The following CEP112 variants were observed in gnomAD, a reference collection of about 807,000 sequenced individuals.
The protein encoded by CEP112 is centrosomal protein of 112 kDa.
A neutral mutation model predicts 153.0 loss-of-function variants in CEP112; 127 were observed. The ratio of observed to expected loss-of-function variants is 0.83; its 90% confidence interval spans 0.72 to 0.96. CEP112 has a LOEUF of 0.96. Ranked by LOEUF, CEP112 falls within the 40% of genes least tolerant of loss-of-function variation. The probability of loss-of-function intolerance (pLI) is 0.00; values close to 1 mark genes in which losing one functional copy is unlikely to be tolerated. For synonymous variants in CEP112, 358 were observed against 374.4 expected (o/e 0.96, Z 0.51); for missense variants, 1,089 against 1,101.2 (o/e 0.99, Z 0.16).
intron 6 of CEP112, among the ~76,000 whole-genome samples, chr17:66,126,975 C>T (rs912085437): frequency 1.3e-5 from 2 of 152,118 alleles, no homozygotes; most frequent in Non-Finnish European, 2.9e-5. Flanking sequence ...AAAATCTAAG[C>T]TTTCTAATAA....
At chr17:66,005,793 A>G in intron 16 of CEP112, 24 bp from the exon 17 acceptor site, 1 of 1,587,102 alleles carries the variant, frequency 6.3e-7, no homozygotes, top group Non-Finnish European at 8.5e-7. Flanking sequence ...AACATGGAAA[A>G]TTTATTGGAA....
chr17:65,892,393 T>G (rs2059497729), intron 20 of CEP112, among the ~76,000 whole-genome samples: 1 of 152,178 alleles, frequency 6.6e-6, no homozygotes, highest in Non-Finnish European at 1.5e-5. Flanking sequence ...TTTGAAACAA[T>G]GAGATCTCAA....
rs572473564 is a variant in CEP112 at position 65,721,404 on chromosome 17, A to T, written c.2607+21664T>A. On this transcript the variant is annotated intron_variant, in intron 23 of 26. Coordinates refer to ENST00000535342, the MANE Select transcript of CEP112 (RefSeq NM_001199165.4). The stretch of plus-strand genomic sequence containing the variant: ...AAAAATGCAACAGTGGTAGCATTTA[A>T]AAAGACTGGGCTCCAGGTAATACTT... Among the ~76,000 whole-genome samples, 3 of 152,318 alleles carry T rather than the reference A, an allele frequency of 2.0e-5. No individual in the cohort carries two copies. The East Asian group carries it at 5.8e-4, about 29-fold the overall frequency.
In CEP112 at chr17:66,050,130, T is replaced by C. The variant is rs7210112; in HGVS notation, c.1218+3606A>G. On this transcript the variant is annotated intron_variant, in intron 12 of 26. Transcript: ENST00000535342. The stretch of plus-strand genomic sequence containing the variant: ...GATGTTCAAAACTGCTCATCTCAGA[T>C]CTTCATACTTGAAAACCAAGTGGGG... Among the ~76,000 whole-genome samples the C allele has an allele frequency of 6.0e-3, 917 of 152,352 alleles. 10 individuals are homozygous for C. The highest frequency in any genetic ancestry group is 0.021 in the African/African-American group (884 of 41,580).
At chr17:66,151,630 C>T (rs974706043) in intron 4 of CEP112, among the ~76,000 whole-genome samples, 8 of 152,252 alleles carry the variant, frequency 5.3e-5, no homozygotes, top group Non-Finnish European at 8.8e-5. Context: ...TGGAAGCCAG[C>T]TGCCATGCTG....
intron 18 of CEP112, among the ~76,000 whole-genome samples, chr17:65,961,141 T>C (rs2062184470): frequency 6.6e-6 from 1 of 152,140 alleles, no homozygotes; most frequent in South Asian, 2.1e-4. Context: ...AACACAGACA[T>C]GGTTAACTGG....
intron 6 of CEP112, among the ~76,000 whole-genome samples, chr17:66,123,797 T>C (rs527676408): frequency 6.6e-6 from 1 of 152,368 alleles, no homozygotes; most frequent in South Asian, 2.1e-4. Flanking sequence ...CCCTGGATTA[T>C]TTAGAAGTGT....
chr17:65,870,704 G>A (rs1161366801), intron 20 of CEP112, among the ~76,000 whole-genome samples: 1 of 152,128 alleles, frequency 6.6e-6, no homozygotes, highest in Non-Finnish European at 1.5e-5. Context: ...GCAACATCAG[G>A]GCTCACAAAC....
At chr17:66,104,512 G>A (rs1326797528) in intron 6 of CEP112, among the ~76,000 whole-genome samples, 1 of 152,192 alleles carries the variant, frequency 6.6e-6, no homozygotes, top group African/African-American at 2.4e-5. Flanking sequence ...GTAAGACTTA[G>A]TGTCATGCTA....
intron 21 of CEP112, chr17:65,826,162 T>C (rs761269680): frequency 2.5e-6 from 4 of 1,614,206 alleles, no homozygotes; most frequent in Non-Finnish European, 3.4e-6. Context: ...GGTTAGATTT[T>C]CCTGTATCCC....
At chr17:65,895,483 T>C (rs6504370) in intron 20 of CEP112, among the ~76,000 whole-genome samples, 132,778 of 152,042 alleles carry the variant, frequency 0.87, 59,423 homozygotes, top group Non-Finnish European at 0.97. Context: ...GAAGCAACAT[T>C]AAATATGGCA....
chr17:66,036,320 A>T (rs747667629), intron 12 of CEP112, among the ~76,000 whole-genome samples: 1 of 152,194 alleles, frequency 6.6e-6, no homozygotes, highest in Non-Finnish European at 1.5e-5. Flanking sequence ...CTAACACTGC[A>T]TTGTACCTTA....
chr17:65,921,579 A>G (rs1330713699), intron 19 of CEP112, among the ~76,000 whole-genome samples: 5 of 152,176 alleles, frequency 3.3e-5, no homozygotes, highest in African/African-American at 1.2e-4. Flanking sequence ...ATTCTAATGT[A>G]TAGACCTCTA....
intron 21 of CEP112, among the ~76,000 whole-genome samples, chr17:65,809,018 A>G (rs1432290904): frequency 6.6e-6 from 1 of 152,128 alleles, no homozygotes; most frequent in Admixed American, 6.6e-5. Context: ...TGCCCTTACC[A>G]GATGTAGCAC....
At chr17:65,784,018 G>C (rs1297287055) in intron 21 of CEP112, among the ~76,000 whole-genome samples, 5 of 152,198 alleles carry the variant, frequency 3.3e-5, no homozygotes, top group Non-Finnish European at 5.9e-5. Context: ...AGATTAAATA[G>C]GACTGAGGTT....
intron 20 of CEP112, among the ~76,000 whole-genome samples, chr17:65,890,845 G>A (rs527875849): frequency 1.3e-5 from 2 of 152,134 alleles, no homozygotes; most frequent in Non-Finnish European, 2.9e-5. Flanking sequence ...AACAATGTGC[G>A]AGCGAGGGGA....
intron 16 of CEP112, among the ~76,000 whole-genome samples, chr17:66,010,449 T>C (rs1425604079): frequency 3.3e-5 from 5 of 152,212 alleles, no homozygotes; most frequent in Non-Finnish European, 7.3e-5. Context: ...ATACCTTTTC[T>C]TTCTTTCTCC....
At chr17:65,759,626 C>T (rs1215283400) in intron 21 of CEP112, among the ~76,000 whole-genome samples, 1 of 152,048 alleles carries the variant, frequency 6.6e-6, no homozygotes, top group African/African-American at 2.4e-5. Flanking sequence ...GATGAAGTAA[C>T]TGCCACAGTA....
intron 21 of CEP112, among the ~76,000 whole-genome samples, chr17:65,803,427 C>T (rs916896194): frequency 6.6e-6 from 1 of 152,164 alleles, no homozygotes. Flanking sequence ...CATTTCTCTA[C>T]CATGCATCAT....
Sources: allele counts gnomAD v4.1 joint callset (sites outside exome capture counted in the v4.1 genomes callset), GRCh38; gene constraint gnomAD v4.1.1; transcripts MANE v1.5; gene names NCBI Gene and HGNC (gene_info 2026-07-23, HGNC 2026-07-21).